Variants in VWC2 observed in about 807,000 individuals in gnomAD.
VWC2 encodes brorin.
VWC2 carries 14 observed loss-of-function variants against 29.8 expected under a neutral mutation model. That is an observed-to-expected ratio of 0.47 (90% CI 0.31 to 0.74). The LOEUF (loss-of-function observed/expected upper bound fraction) is 0.74, where lower values mean the gene tolerates loss of function less well. Ranked by LOEUF, VWC2 falls within the 30% of genes least tolerant of loss-of-function variation. The pLI is 0.05. For synonymous variants in VWC2, 213 were observed against 199.0 expected (o/e 1.07, Z -0.59); for missense variants, 457 against 459.8 (o/e 0.99, Z 0.05).
chr7:49,856,885 T>G (rs1043575082), intron 3 of VWC2, among the ~76,000 whole-genome samples: 2 of 151,762 alleles, frequency 1.3e-5, no homozygotes, highest in African/African-American at 4.8e-5. Context: ...GGCGGGCGCC[T>G]GTAGTCCCAG....
chr7:49,802,979 TA>T, intron 3 of VWC2, 139 bp downstream of exon 3: 4 of 1,101,812 alleles, frequency 3.6e-6, no homozygotes, highest in Non-Finnish European at 5.1e-6. Context: ...CACACGTGTG[TA>T]ATCTTTCAGC....
intron 3 of VWC2, among the ~76,000 whole-genome samples, chr7:49,894,026 T>G (rs766877449): frequency 1.3e-5 from 2 of 152,204 alleles, no homozygotes; most frequent in African/African-American, 2.4e-5. Context: ...TGACGAACCA[T>G]TCCTCAACAC....
In VWC2 at chr7:49,775,743, G is replaced by A. The variant is rs937348341; in HGVS notation, c.308G>A (p.Gly103Asp). Residue 103 changes from glycine to aspartate, a missense_variant, in exon 2 of 4, where the codon GGC (glycine) becomes GAC (aspartate). Gly to Asp is a moderately conservative substitution (Grantham distance 94). Transcript: ENST00000340652. ...CAGGCCTGGGTCTCCCAGGGCGGGG[G>A]CGCCAAGGCCGGGGATCTGCAGGTC... ...LKQAWVSQGG[G>D]AKAGDLQVRP... is the part of the protein sequence containing the mutation. 4.6e-6 allele frequency: 7 copies of A among 1,511,774 alleles called. No homozygotes were observed. In the African/African-American group the frequency reaches 5.6e-5, roughly 12 times the overall value. The allele number at this position is 1,511,774 out of a possible 1,614,324, so 93.6% of individuals were successfully genotyped here. A position where few individuals can be genotyped will look rare whatever the true frequency, so the allele number is the denominator to read the frequency against.
At chr7:49,844,771 C>T (rs1004679877) in intron 3 of VWC2, among the ~76,000 whole-genome samples, 1 of 152,150 alleles carries the variant, frequency 6.6e-6, no homozygotes, top group Admixed American at 6.5e-5. Context: ...CAGTTCACTG[C>T]AACCTCTGCC....
intron 3 of VWC2, among the ~76,000 whole-genome samples, chr7:49,883,000 C>G (rs1791736774): frequency 6.6e-6 from 1 of 152,000 alleles, no homozygotes; most frequent in African/African-American, 2.4e-5. Context: ...CTGCCCTGGC[C>G]CCGCCTGCTT....
At chr7:49,809,165 A>G (rs1441663525) in intron 3 of VWC2, among the ~76,000 whole-genome samples, 2 of 151,966 alleles carry the variant, frequency 1.3e-5, no homozygotes, top group East Asian at 3.8e-4. Flanking sequence ...AAAAAATTAG[A>G]GAAGACACAA....
At chr7:49,874,674 T>C (rs1214738973) in intron 3 of VWC2, among the ~76,000 whole-genome samples, 2 of 152,192 alleles carry the variant, frequency 1.3e-5, no homozygotes, top group Non-Finnish European at 2.9e-5. Flanking sequence ...CTGGAATTTA[T>C]AAAATTGCTG....
chr7:49,804,443 G>A (rs1788825451), intron 3 of VWC2, among the ~76,000 whole-genome samples: 1 of 152,140 alleles, frequency 6.6e-6, no homozygotes. Context: ...GGTACTGGAC[G>A]ACAACAACTC....
intron 3 of VWC2, among the ~76,000 whole-genome samples, chr7:49,809,092 T>C (rs891559081): frequency 1.8e-4 from 28 of 151,968 alleles, no homozygotes; most frequent in African/African-American, 6.3e-4. Flanking sequence ...CCAAGTTAGT[T>C]TTTGAAAGCT....
intron 3 of VWC2, among the ~76,000 whole-genome samples, chr7:49,821,655 T>C (rs1789263929): frequency 6.6e-6 from 1 of 151,932 alleles, no homozygotes; most frequent in South Asian, 2.1e-4. Flanking sequence ...AACAAATCTA[T>C]TCTTGGATGA....
chr7:49,888,684 G>C (rs1406568619), intron 3 of VWC2, among the ~76,000 whole-genome samples: 2 of 152,194 alleles, frequency 1.3e-5, no homozygotes, highest in African/African-American at 4.8e-5. Context: ...GCCTAGGTGG[G>C]TGGATCACCT....
chr7:49,867,914 A>G (rs1421309836), intron 3 of VWC2, among the ~76,000 whole-genome samples: 1 of 151,824 alleles, frequency 6.6e-6, no homozygotes, highest in East Asian at 1.9e-4. Context: ...GCTCACTGCA[A>G]TCTCCGCCTC....
intron 3 of VWC2, among the ~76,000 whole-genome samples, chr7:49,851,817 T>C (rs994406962): frequency 1.3e-5 from 2 of 151,572 alleles, no homozygotes; most frequent in Non-Finnish European, 2.9e-5. Flanking sequence ...GCTTGCGCCA[T>C]TGCACTCCAG....
chr7:49,793,093 C>T (rs757805046), intron 2 of VWC2, among the ~76,000 whole-genome samples: 6 of 152,276 alleles, frequency 3.9e-5, no homozygotes, highest in Non-Finnish European at 8.8e-5. Context: ...AGAGCTGCAG[C>T]CCAGTAAAGC....
intron 3 of VWC2, among the ~76,000 whole-genome samples, chr7:49,818,620 A>C (rs1410148506): frequency 1.3e-5 from 2 of 151,996 alleles, no homozygotes; most frequent in Non-Finnish European, 2.9e-5. Context: ...CCCTGAAGCA[A>C]GGGAGCTGGA....
chr7:49,793,252 G>A (rs1788506607), intron 2 of VWC2, among the ~76,000 whole-genome samples: 1 of 152,012 alleles, frequency 6.6e-6, no homozygotes, highest in East Asian at 1.9e-4. Flanking sequence ...TGTTTAAAAT[G>A]TATCAAATAT....
downstream of VWC2, among the ~76,000 whole-genome samples, chr7:49,922,113 C>T (rs1355519725): frequency 6.6e-6 from 1 of 152,064 alleles, no homozygotes; most frequent in East Asian, 1.9e-4. Context: ...TTGAGGCTCA[C>T]TCAAATATGT....
chr7:49,822,589 C>G (rs945550393), intron 3 of VWC2, among the ~76,000 whole-genome samples: 15 of 152,172 alleles, frequency 9.9e-5, no homozygotes, highest in Non-Finnish European at 1.9e-4. Context: ...CGGTCACCCA[C>G]CACCACACCC....
intron 3 of VWC2, among the ~76,000 whole-genome samples, chr7:49,817,634 A>C (rs1387321695): frequency 6.6e-6 from 1 of 152,234 alleles, no homozygotes; most frequent in East Asian, 1.9e-4. Flanking sequence ...TCTTTCAGGA[A>C]GATAAACTTC....
Sources: gnomAD v4.1 joint callset for allele counts (sites outside exome capture counted in the v4.1 genomes callset) on GRCh38, gnomAD v4.1.1 for gene constraint, MANE v1.5 for transcripts, NCBI Gene and HGNC (gene_info 2026-07-23, HGNC 2026-07-21) for gene names.